WDR41: variants seen among roughly 807,000 people sequenced by gnomAD.
WDR41 encodes WD repeat-containing protein 41.
WDR41 carries 63 observed loss-of-function variants against 69.3 expected under a neutral mutation model. The ratio of observed to expected loss-of-function variants is 0.91; its 90% CI spans 0.74 to 1.12. The LOEUF (loss-of-function observed/expected upper bound fraction) is 1.12, where lower values mean the gene tolerates loss of function less well. WDR41 is among the 50% of genes most tolerant of loss of function. The pLI, the probability that WDR41 is intolerant of heterozygous loss-of-function variation, is 0.00. For synonymous variants in WDR41, 185 were observed against 192.1 expected (o/e 0.96, Z 0.31); for missense variants, 543 against 534.5 (o/e 1.02, Z -0.16).
At chr5:77,540,733 G>C in intron 1 of WDR41, among the ~76,000 whole-genome samples, 1 of 150,246 alleles carries the variant, frequency 6.7e-6, no homozygotes, top group South Asian at 2.1e-4. Flanking sequence ...TAGGGAGGGA[G>C]GGAGGGAGGG....
At chr5:77,451,533 T>C in intron 6 of WDR41, 180 bp from the exon 7 acceptor site, 1 of 597,064 alleles carries the variant, frequency 1.7e-6, no homozygotes, top group South Asian at 2.2e-5. Flanking sequence ...TGTAGGTTTC[T>C]GAGACTTTTG....
intron 2 of WDR41, among the ~76,000 whole-genome samples, chr5:77,478,670 G>A (rs180720789): frequency 6.6e-6 from 1 of 152,162 alleles, no homozygotes; most frequent in African/African-American, 2.4e-5. Flanking sequence ...TGGATGGGAC[G>A]TATTTCAAAA....
At chr5:77,486,057 T>A (rs921340202) in intron 2 of WDR41, among the ~76,000 whole-genome samples, 3 of 152,256 alleles carry the variant, frequency 2.0e-5, no homozygotes, top group Admixed American at 2.0e-4. Context: ...ATGCATAATG[T>A]ACATATGCAA....
At chr5:77,566,884 A>T (rs1019934280) in intron 1 of WDR41, among the ~76,000 whole-genome samples, 1 of 152,158 alleles carries the variant, frequency 6.6e-6, no homozygotes, top group African/African-American at 2.4e-5. Context: ...GGGCACCAGA[A>T]GTCACTAGAG....
intron 4 of WDR41, among the ~76,000 whole-genome samples, chr5:77,460,166 A>G (rs1320970204): frequency 6.6e-6 from 1 of 152,226 alleles, no homozygotes; most frequent in African/African-American, 2.4e-5. Context: ...GTGAGAAAAT[A>G]TCAGACTTCA....
intron 1 of WDR41, among the ~76,000 whole-genome samples, chr5:77,500,881 C>T (rs934886741): frequency 6.6e-6 from 1 of 152,230 alleles, no homozygotes; most frequent in African/African-American, 2.4e-5. Flanking sequence ...GTAGTCCCTG[C>T]TCTCAAGAAA....
At chr5:77,577,770 C>T (rs77510573) in intron 1 of WDR41, among the ~76,000 whole-genome samples, 1 of 152,170 alleles carries the variant, frequency 6.6e-6, no homozygotes, top group Non-Finnish European at 1.5e-5. Context: ...ACCTCAGAAA[C>T]TACAGGTGCT....
chr5:77,459,140 G>T lies in WDR41; in HGVS notation c.349-16C>A. The T allele has an allele frequency of 6.4e-7, 1 of 1,552,748 alleles. No homozygotes were observed. Among genetic ancestry groups the T allele is most frequent in the South Asian group, 1.2e-5 (1 of 84,604 alleles). The stretch of plus-strand genomic sequence containing the variant: ...CATCCCACACCTAAATTTATGTTAA[G>T]AAATAATTTCTAAACAGAATTTTAA... On this transcript the variant is annotated splice_polypyrimidine_tract_variant and intron_variant, in intron 4 of 12. Coordinates refer to ENST00000296679, the MANE Select transcript of WDR41 (RefSeq NM_018268.4).
chr5:77,530,032 A>C (rs1802504875), intron 1 of WDR41, among the ~76,000 whole-genome samples: 1 of 151,654 alleles, frequency 6.6e-6, no homozygotes, highest in Non-Finnish European at 1.5e-5. Context: ...GGAATAAAGC[A>C]ATAAGAAAAA....
At chr5:77,490,744 A>G (rs1801738416) in intron 1 of WDR41, among the ~76,000 whole-genome samples, 1 of 152,228 alleles carries the variant, frequency 6.6e-6, no homozygotes, top group African/African-American at 2.4e-5. Flanking sequence ...AGCAAATAAC[A>G]TGATTAACCA....
At chr5:77,448,487 G>A (rs1581703662) in intron 8 of WDR41, among the ~76,000 whole-genome samples, 1 of 152,306 alleles carries the variant, frequency 6.6e-6, no homozygotes, top group East Asian at 1.9e-4. Context: ...ATCTGAACAT[G>A]TGACTGAATG....
At chr5:77,490,896 T>G (rs1801745113) in intron 1 of WDR41, among the ~76,000 whole-genome samples, 1 of 152,222 alleles carries the variant, frequency 6.6e-6, no homozygotes, top group African/African-American at 2.4e-5. Context: ...TGCAAAGACA[T>G]GCGGAAGTTA....
rs1318961791 is a variant in WDR41, at chr5:77,464,244, A to G, written c.216+517T>C. Among the ~76,000 whole-genome samples, 3 of 143,818 alleles carry G rather than the reference A, an allele frequency of 2.1e-5. No homozygotes were observed. In the East Asian group the frequency reaches 6.0e-4, roughly 29 times the overall value. The allele number at this position is 143,818 out of a possible 152,430, so 94.4% of individuals were successfully genotyped here. The stretch of plus-strand genomic sequence containing the variant: ...AAAATTTTGTATTTTTTGAATTTTC[A>G]TACTTTGGCATTTGTTTCTTAGGAA... On this transcript the variant is annotated intron_variant, in intron 3 of 12. Transcript: ENST00000296679.
intron 1 of WDR41, among the ~76,000 whole-genome samples, chr5:77,512,544 G>T (rs1349248589): frequency 6.6e-6 from 1 of 151,704 alleles, no homozygotes; most frequent in African/African-American, 2.4e-5. Flanking sequence ...GAGGTCAAGA[G>T]ATCGAGACCA....
chr5:77,459,217 G>C, intron 4 of WDR41, 93 bp from the exon 5 acceptor site: 3 of 904,764 alleles, frequency 3.3e-6, no homozygotes, highest in Admixed American at 2.4e-5. Flanking sequence ...ATGTTAAGCA[G>C]TTAGAAAATC....
intron 1 of WDR41, among the ~76,000 whole-genome samples, chr5:77,526,729 C>T (rs571245050): frequency 4.9e-4 from 74 of 152,208 alleles, no homozygotes; most frequent in Middle Eastern, 6.8e-3. Flanking sequence ...ACATAAAATT[C>T]CATTAAAAAG....
chr5:77,592,067 A>G (rs1744146471), intron 1 of WDR41, among the ~76,000 whole-genome samples: 1 of 152,144 alleles, frequency 6.6e-6, no homozygotes, highest in African/African-American at 2.4e-5. Context: ...ATGCAAATTT[A>G]GAACTATGTG....
chr5:77,612,750 C>T (rs1186249902), intron 1 of WDR41, among the ~76,000 whole-genome samples: 1 of 150,458 alleles, frequency 6.6e-6, no homozygotes, highest in Non-Finnish European at 1.5e-5. Context: ...GGGATGCCCT[C>T]TCTCACCACT....
At chr5:77,560,018 G>A (rs987641438) in intron 1 of WDR41, among the ~76,000 whole-genome samples, 2 of 152,044 alleles carry the variant, frequency 1.3e-5, no homozygotes, top group Non-Finnish European at 2.9e-5. Context: ...GACTCCCAAA[G>A]GATCCCTTCC....
Sources: gnomAD v4.1 joint callset for allele counts (sites outside exome capture counted in the v4.1 genomes callset) on GRCh38, gnomAD v4.1.1 for gene constraint, MANE v1.5 for transcripts, NCBI Gene and HGNC (gene_info 2026-07-23, HGNC 2026-07-21) for gene names.